The following NIPBL variants were observed in gnomAD, a reference collection of about 807,000 sequenced individuals.
NIPBL encodes the protein nipped-B-like protein.
NIPBL carries 19 observed loss-of-function variants against 321.8 expected under a neutral mutation model. The observed-to-expected ratio is 0.06, with a 90% confidence interval of 0.04 to 0.09. NIPBL has a LOEUF of 0.09. Ranked by LOEUF, NIPBL falls within the 10% of genes least tolerant of loss-of-function variation. The probability of loss-of-function intolerance (pLI) is 1.00; values close to 1 mark genes in which losing one functional copy is unlikely to be tolerated. For synonymous variants in NIPBL, 1,106 were observed against 1,114.1 expected (o/e 0.99, Z 0.14); for missense variants, 2,210 against 3,327.0 (o/e 0.66, Z 8.26).
intron 1 of NIPBL, among the ~76,000 whole-genome samples, chr5:36,921,012 G>T (rs1748896577): frequency 6.6e-6 from 1 of 151,594 alleles, no homozygotes; most frequent in Non-Finnish European, 1.5e-5. Flanking sequence ...CATGGGTTAG[G>T]TTTACCTATC....
intron 32 of NIPBL, among the ~76,000 whole-genome samples, chr5:37,027,800 G>T (rs997740920): frequency 6.6e-6 from 1 of 151,576 alleles, no homozygotes; most frequent in African/African-American, 2.4e-5. Flanking sequence ...TGTATTTTTG[G>T]TAGAGACGGG....
At position 37,064,738 on chromosome 5, in the gene NIPBL, G is replaced by A. The variant is rs2149761090; in HGVS notation, c.8261G>A (p.Arg2754His). 1.2e-6 allele frequency: 2 copies of A among 1,614,188 alleles called. No individual in the cohort carries two copies. The highest frequency in any genetic ancestry group is 2.2e-5 in the East Asian group (1 of 44,886). Residue 2754 changes from arginine to histidine, a missense_variant, in exon 47 of 47, where the codon CGT becomes CAT. Coordinates refer to ENST00000282516, the MANE Select transcript of NIPBL (RefSeq NM_133433.4). ...YSGSWTEAKR[R>H]DGRKLVPWVD... Reference sequence around the variant, plus strand: ...GGCTCCTGGACTGAGGCTAAGCGCCGTGATGGCCGCAAACTGGTGCCTTGG... The same window carrying A: ...GGCTCCTGGACTGAGGCTAAGCGCCATGATGGCCGCAAACTGGTGCCTTGG...
In NIPBL at chr5:36,909,651, C is replaced by G. The variant is rs566179353; in HGVS notation, c.-80+32473C>G. The stretch of plus-strand genomic sequence containing the variant: ...ATAACCAACAACAATATAACCCCAC[C>G]TACCTGAATGAGTATTATAAATAGA... On this transcript the variant is annotated intron_variant, in intron 1 of 46. Transcript: ENST00000282516. Among the ~76,000 whole-genome samples the G allele has an allele frequency of 8.5e-5, 13 of 152,194 alleles. 1 individual carries two copies. The highest frequency in any genetic ancestry group is 2.4e-4 in the African/African-American group (10 of 41,542).
chr5:36,901,500 CTTTTTTTTT>C (rs35178851), intron 1 of NIPBL, among the ~76,000 whole-genome samples: 1 of 77,412 alleles, frequency 1.3e-5, no homozygotes, highest in South Asian at 5.8e-4. Flanking sequence ...CTTCTAAGTC[CTTTTTTTTT>C]TTTTTTTTTT....
chr5:36,901,370 A>G (rs1747196667), intron 1 of NIPBL, among the ~76,000 whole-genome samples: 1 of 151,818 alleles, frequency 6.6e-6, no homozygotes. Context: ...GGTTGATTCC[A>G]TGTCTTTGCT....
chr5:36,955,416 C>G (rs1740829198), intron 2 of NIPBL, 56 bp from the exon 3 acceptor site: 3 of 1,424,906 alleles, frequency 2.1e-6, no homozygotes, highest in African/African-American at 2.8e-5. Context: ...CAGATAAGCA[C>G]TAAAGAGACT....
Position 37,010,292 on chromosome 5 carries a change from T to C in NIPBL, c.4560+67T>C. ...AAGGAAATACCTATATTCTCTGTCA[T>C]TCTTATAAAACTGAAGTTCTTTTTT... On this transcript the variant is annotated intron_variant, in intron 21 of 46. Coordinates refer to ENST00000282516, the MANE Select transcript of NIPBL (RefSeq NM_133433.4). 8.5e-6 allele frequency: 11 copies of C among 1,301,252 alleles called. 1 individual carries two copies. The South Asian group carries it at 9.9e-5, about 12-fold the overall frequency. The allele number at this position is 1,301,252 out of a possible 1,614,324, so 80.6% of individuals were successfully genotyped here. A position where few individuals can be genotyped will look rare whatever the true frequency, so the allele number is the denominator to read the frequency against.
chr5:36,986,640 A>G (rs1278062618), intron 10 of NIPBL, among the ~76,000 whole-genome samples: 1 of 152,174 alleles, frequency 6.6e-6, no homozygotes, highest in Non-Finnish European at 1.5e-5. Flanking sequence ...TGTCTTTAAA[A>G]ACTCTCTATT....
chr5:36,937,912 A>G (rs1456941655), intron 1 of NIPBL, among the ~76,000 whole-genome samples: 3 of 152,094 alleles, frequency 2.0e-5, no homozygotes, highest in East Asian at 3.9e-4. Context: ...AGTCATATGT[A>G]TGCATCAGAA....
intron 46 of NIPBL, 99 bp downstream of exon 46, chr5:37,064,077 G>T: frequency 6.6e-7 from 1 of 1,512,348 alleles, no homozygotes; most frequent in South Asian, 1.3e-5. Flanking sequence ...ACCAAGTAAT[G>T]TAATACTTAA....
At chr5:36,995,922 C>G in intron 11 of NIPBL, 118 bp downstream of exon 11, 1 of 852,976 alleles carries the variant, frequency 1.2e-6, no homozygotes, top group Non-Finnish European at 1.9e-6. Flanking sequence ...CTTAATAACA[C>G]AGTATAGTAA....
chr5:36,986,318 T>C lies in NIPBL; in HGVS notation c.3121+17T>C, dbSNP rs776743978. The stretch of plus-strand genomic sequence containing the variant: ...CAAATAAAGGTAAGAATACTTCTAC[T>C]GATGTCATTTATAATATAATCGATT... On this transcript the variant is annotated intron_variant, in intron 10 of 46. Transcript: ENST00000282516. 1.1e-5 allele frequency: 16 copies of C among 1,430,984 alleles called. No individual in the cohort carries two copies. The highest frequency in any genetic ancestry group is 9.3e-5 in the East Asian group (4 of 43,230). The allele number at this position is 1,430,984 out of a possible 1,614,324, so 88.6% of individuals were successfully genotyped here.
chr5:36,960,554 T>G (rs1462648794), intron 4 of NIPBL, among the ~76,000 whole-genome samples: 3 of 152,196 alleles, frequency 2.0e-5, no homozygotes, highest in Non-Finnish European at 2.9e-5. Context: ...CCTAATTTCA[T>G]TCAGCTACAA....
At chr5:37,021,495 A>G (rs756405477) in intron 27 of NIPBL, among the ~76,000 whole-genome samples, 1 of 152,086 alleles carries the variant, frequency 6.6e-6, no homozygotes, top group African/African-American at 2.4e-5. Flanking sequence ...GTCCTGGCTA[A>G]CACAGTGAAA....
At chr5:36,899,346 G>GTGTAA (rs1747029983) in intron 1 of NIPBL, among the ~76,000 whole-genome samples, 1 of 151,976 alleles carries the variant, frequency 6.6e-6, no homozygotes, top group Non-Finnish European at 1.5e-5. Flanking sequence ...TAAAAAAAAA[G>GTGTAA]TGTAATGTGA....
chr5:37,035,104 A>G (rs1751536023), intron 32 of NIPBL, among the ~76,000 whole-genome samples: 2 of 152,364 alleles, frequency 1.3e-5, no homozygotes, highest in South Asian at 4.1e-4. Flanking sequence ...AGCTTGGGCA[A>G]CATAGAGAAC....
chr5:36,971,286 T>C (rs1742823128), intron 7 of NIPBL, among the ~76,000 whole-genome samples: 1 of 151,526 alleles, frequency 6.6e-6, no homozygotes, highest in South Asian at 2.1e-4. Flanking sequence ...AAAAATGTGA[T>C]AGAGACTGTA....
At chr5:36,927,772 T>C (rs912864259) in intron 1 of NIPBL, among the ~76,000 whole-genome samples, 1 of 152,196 alleles carries the variant, frequency 6.6e-6, no homozygotes, top group African/African-American at 2.4e-5. Context: ...TATACCAGTC[T>C]GGAGTTCAGG....
intron 1 of NIPBL, among the ~76,000 whole-genome samples, chr5:36,944,536 TG>T (rs1480786437): frequency 6.6e-6 from 1 of 152,106 alleles, no homozygotes; most frequent in Non-Finnish European, 1.5e-5. Flanking sequence ...AGAACCAAAA[TG>T]GCAAAGACTA....
Sources: allele counts gnomAD v4.1 joint callset (sites outside exome capture counted in the v4.1 genomes callset), GRCh38; gene constraint gnomAD v4.1.1; transcripts MANE v1.5; gene names NCBI Gene and HGNC (gene_info 2026-07-23, HGNC 2026-07-21).